Variants in RGP1 observed in about 807,000 individuals in gnomAD.
The protein encoded by RGP1 is RGP1 partner of RAB6A GEF complex, also known as RAB6A-GEF complex partner protein 2.
RGP1 carries 28 observed loss-of-function variants against 44.5 expected under a neutral mutation model. The ratio of observed to expected loss-of-function variants is 0.63; its 90% confidence interval spans 0.47 to 0.86. The LOEUF (loss-of-function observed/expected upper bound fraction) is 0.86. Ranked by LOEUF, RGP1 falls within the 40% of genes least tolerant of loss-of-function variation. The probability of loss-of-function intolerance (pLI) is 0.00; values close to 1 mark genes in which losing one functional copy is unlikely to be tolerated. For missense variants in RGP1, 417 were observed against 490.7 expected (o/e 0.85, Z 1.42); for synonymous variants, 212 against 196.7 (o/e 1.08, Z -0.65).
At chr9:35,779,767 G>A in the RGP1 span, among the ~76,000 whole-genome samples, 11 of 152,232 alleles carry the variant, frequency 7.2e-5, 1 homozygote, top group South Asian at 2.1e-3. Context: ...TTAAGATGGG[G>A]TCTGTTGCCT....
the RGP1 span, among the ~76,000 whole-genome samples, chr9:35,787,719 A>C: frequency 6.6e-6 from 1 of 152,196 alleles, no homozygotes; most frequent in African/African-American, 2.4e-5. Context: ...AATTTGAGTA[A>C]AGTCTCTATT....
At chr9:35,751,125 G>C in intron 5 of RGP1, 136 bp downstream of exon 5, 2 of 1,437,396 alleles carry the variant, frequency 1.4e-6, no homozygotes, top group Non-Finnish European at 1.9e-6. Context: ...GGAAGGGAGG[G>C]AGGGTTCTGG....
Position 35,753,174 on chromosome 9 carries a change from C to G in RGP1, c.*300C>G, listed in dbSNP as rs752735628. ...CCCCATTCTGGGTCAGGCCCTCCCC[C>G]TTTGCAGGGCAGCCGAGGGTCAGAT... On this transcript the variant is annotated 3_prime_UTR_variant, in exon 9 of 9. Coordinates refer to ENST00000378078, the MANE Select transcript of RGP1 (RefSeq NM_001080496.3). The surrounding 1 kb of genome is among the most constrained non-coding windows in gnomAD (Gnocchi z 4.2). 6 of 1,614,188 alleles carry G rather than the reference C, an allele frequency of 3.7e-6. No homozygotes were observed. The highest frequency in any genetic ancestry group is 1.7e-5 in the Admixed American group (1 of 60,028).
rs1181901528 is a variant in RGP1, at chr9:35,753,353, C to G, written c.*479C>G. On this transcript the variant is annotated 3_prime_UTR_variant, in exon 9 of 9. Coordinates refer to ENST00000378078, the MANE Select transcript of RGP1 (RefSeq NM_001080496.3). This position sits in a 1 kb window ranked among gnomAD's most constrained non-coding sequence, Gnocchi z 4.2. The stretch of plus-strand genomic sequence containing the variant: ...CTTTATCCCTGCCCACATGTTCCCT[C>G]TCTCACAGTTTTCCCCCCACAGAGC... The G allele has an allele frequency of 3.3e-6, 5 of 1,517,154 alleles. No homozygotes were observed. The allele number at this position is 1,517,154 out of a possible 1,614,324, so 94.0% of individuals were successfully genotyped here.
At chr9:35,769,405 G>C in the RGP1 span, among the ~76,000 whole-genome samples, 1 of 152,136 alleles carries the variant, frequency 6.6e-6, no homozygotes, top group African/African-American at 2.4e-5. Flanking sequence ...TTCTTTTATT[G>C]AGTCTGTTAT....
chr9:35,774,734 CA>C, the RGP1 span, among the ~76,000 whole-genome samples: 126 of 149,622 alleles, frequency 8.4e-4, 2 homozygotes, highest in African/African-American at 3.0e-3. Context: ...AAAAACAAAA[CA>C]AAAAAAAACA....
intron 5 of RGP1, 58 bp downstream of exon 5, chr9:35,751,047 G>A: frequency 6.3e-7 from 1 of 1,595,716 alleles, no homozygotes; most frequent in Non-Finnish European, 8.5e-7. Flanking sequence ...AGCAGAAATT[G>A]TCTTAGAGGG....
the RGP1 span, among the ~76,000 whole-genome samples, chr9:35,765,831 CTTTCTT>C: frequency 6.7e-6 from 1 of 149,024 alleles, no homozygotes; most frequent in African/African-American, 2.5e-5. Flanking sequence ...TTTCTTCTTT[CTTTCTT>C]TTTTTTTTTT....
the RGP1 span, among the ~76,000 whole-genome samples, chr9:35,768,869 A>G: frequency 1.3e-5 from 2 of 152,330 alleles, no homozygotes; most frequent in East Asian, 3.9e-4. Flanking sequence ...AGCAGTACCT[A>G]AAAAGACATT....
chr9:35,780,287 A>G, the RGP1 span: 1 of 152,200 alleles, frequency 6.6e-6, no homozygotes, highest in South Asian at 2.1e-4. Context: ...CCATGGCTTA[A>G]GATGAGTTCT....
Position 35,753,873 on chromosome 9 carries a change from A to AGTTT in RGP1, c.*1002_*1005dup. 6.5e-7 allele frequency: 1 copy of AGTTT among 1,531,822 alleles called. No homozygotes were observed. The highest frequency in any genetic ancestry group is 8.9e-7 in the Non-Finnish European group (1 of 1,121,708). The allele number at this position is 1,531,822 out of a possible 1,614,324, so 94.9% of individuals were successfully genotyped here. On this transcript the variant is annotated 3_prime_UTR_variant, in exon 9 of 9. Transcript: ENST00000378078. The surrounding 1 kb of genome is among the most constrained non-coding windows in gnomAD (Gnocchi z 4.2). ...GTAAGTACGCACTATCCCCGTATTT[A>AGTTT]GTTTGTCTTTCCTGTTTCACAGCTG...
At chr9:35,787,090 ACT>A in the RGP1 span, among the ~76,000 whole-genome samples, 1 of 147,716 alleles carries the variant, frequency 6.8e-6, no homozygotes, top group South Asian at 2.2e-4. Flanking sequence ...ACAGTGTAAG[ACT>A]CTGTCAAAAA....
chr9:35,754,380 C>G lies in RGP1; in HGVS notation c.*1506C>G, dbSNP rs1456537148. The G allele has an allele frequency of 2.6e-6, 1 of 385,206 alleles. No individual in the cohort carries two copies. The highest frequency in any genetic ancestry group is 4.6e-6 in the Non-Finnish European group (1 of 215,450). 23.9% of individuals were successfully genotyped at this position (385,206 alleles called of 1,614,324 possible). Reference sequence around the variant, plus strand: ...GTTTCCTGAGGTGAGGGCATGAAAACAAGAGGTCTAGCTTTAACAAGCTGT... The same window carrying G: ...GTTTCCTGAGGTGAGGGCATGAAAAGAAGAGGTCTAGCTTTAACAAGCTGT... On this transcript the variant is annotated 3_prime_UTR_variant, in exon 9 of 9. Transcript: ENST00000378078.
At position 35,753,552 on chromosome 9, in the gene RGP1, G is replaced by C; in HGVS notation, c.*678G>C. On this transcript the variant is annotated 3_prime_UTR_variant, in exon 9 of 9. Transcript: ENST00000378078. The surrounding 1 kb of genome is among the most constrained non-coding windows in gnomAD (Gnocchi z 4.2). ...GGTCCCTTCAGGTTTGGCCCATCTT[G>C]TATTGCTCTTCTGTTCATTCTTACA... 1.0e-6 allele frequency: 1 copy of C among 984,314 alleles called. No homozygotes were observed. Among genetic ancestry groups the C allele is most frequent in the South Asian group, 1.6e-5 (1 of 64,300 alleles). The allele number at this position is 984,314 out of a possible 1,614,324, so 61.0% of individuals were successfully genotyped here.
At chr9:35,770,844 T>G in the RGP1 span, among the ~76,000 whole-genome samples, 1 of 152,110 alleles carries the variant, frequency 6.6e-6, no homozygotes, top group East Asian at 1.9e-4. Context: ...CCCTAATAAA[T>G]AGAGCAGCCT....
At chr9:35,766,071 C>T in the RGP1 span, among the ~76,000 whole-genome samples, 1 of 149,168 alleles carries the variant, frequency 6.7e-6, no homozygotes, top group African/African-American at 2.5e-5. Flanking sequence ...ACCTTGTGAT[C>T]TGCCCACCTC....
rs368712632 is a variant in RGP1 at position 35,753,971 on chromosome 9, T to C, written c.*1097T>C. 5.3e-5 allele frequency: 85 copies of C among 1,601,614 alleles called. No individual in the cohort carries two copies. In the African/African-American group the frequency reaches 1.1e-3, roughly 20 times the overall value. On this transcript the variant is annotated 3_prime_UTR_variant, in exon 9 of 9. Transcript: ENST00000378078. This position sits in a 1 kb window ranked among gnomAD's most constrained non-coding sequence, Gnocchi z 4.2. ...CTCCCTGTGCCCTCTCTGCTGCTCC[T>C]CCATTCCTAACGCTTCACCCCACTT...
chr9:35,750,166 T>C, intron 2 of RGP1, 77 bp from the exon 3 acceptor site: 1 of 1,539,316 alleles, frequency 6.5e-7, no homozygotes, highest in Non-Finnish European at 8.7e-7. Context: ...TTGGTTAAGA[T>C]GGTGTGATAG....
downstream of RGP1, among the ~76,000 whole-genome samples, chr9:35,759,510 C>T (rs182522110): frequency 2.3e-5 from 3 of 130,798 alleles, no homozygotes; most frequent in East Asian, 2.5e-4. Context: ...TCCAGTGAGC[C>T]GAGATTGCAT....
Sources: allele counts gnomAD v4.1 joint callset (sites outside exome capture counted in the v4.1 genomes callset), GRCh38; gene constraint gnomAD v4.1.1; non-coding constraint Gnocchi (gnomAD v3.1); transcripts MANE v1.5; gene names NCBI Gene and HGNC (gene_info 2026-07-23, HGNC 2026-07-21).